ATP2C1: variants seen among roughly 807,000 people sequenced by gnomAD.
ATP2C1 encodes the protein ATPase secretory pathway Ca2+ transporting 1.
Under a neutral mutation model 120.5 loss-of-function variants are expected in ATP2C1, and 31 were observed. The ratio of observed to expected loss-of-function variants is 0.26; its 90% CI spans 0.19 to 0.35. The LOEUF is 0.35. Among genes scored for constraint, ATP2C1 ranks in the 10% least tolerant of loss-of-function variants. The pLI is 1.00. For missense variants in ATP2C1, 731 were observed against 1,107.5 expected (o/e 0.66, Z 4.83); for synonymous variants, 351 against 358.7 (o/e 0.98, Z 0.24).
intron 2 of ATP2C1, among the ~76,000 whole-genome samples, chr3:130,929,323 A>G (rs1314648279): frequency 1.3e-5 from 2 of 152,140 alleles, no homozygotes; most frequent in Non-Finnish European, 2.9e-5. Flanking sequence ...TTCCTCAGCA[A>G]TTTACTATTT....
At chr3:130,945,691 G>T (rs2060121485) in intron 8 of ATP2C1, among the ~76,000 whole-genome samples, 1 of 152,068 alleles carries the variant, frequency 6.6e-6, no homozygotes, top group Non-Finnish European at 1.5e-5. Context: ...CAAAGGACAA[G>T]AACTCATCCT....
At chr3:130,925,344 C>T (rs1020120643) in intron 2 of ATP2C1, among the ~76,000 whole-genome samples, 1 of 152,162 alleles carries the variant, frequency 6.6e-6, no homozygotes, top group East Asian at 1.9e-4. Context: ...TGTTTTTGCT[C>T]TTCTGGGTCT....
intron 8 of ATP2C1, among the ~76,000 whole-genome samples, chr3:130,942,857 T>C (rs2059981398): frequency 6.6e-6 from 1 of 152,216 alleles, no homozygotes; most frequent in African/African-American, 2.4e-5. Flanking sequence ...GATTAAGTAG[T>C]CTTGTCACTT....
exon 1 of ATP2C1, chr3:130,850,691 G>T: frequency 2.1e-6 from 1 of 474,864 alleles, no homozygotes; most frequent in Non-Finnish European, 3.7e-6. Context: ...GAGAACATTT[G>T]CTTTGTTTGT....
intron 1 of ATP2C1, among the ~76,000 whole-genome samples, chr3:130,882,078 C>CAGT (rs1315260726): frequency 6.6e-6 from 1 of 152,088 alleles, no homozygotes. Flanking sequence ...TTAGGACTTC[C>CAGT]AGTACTATGT....
chr3:130,860,665 GTC>G (rs1370773353), intron 1 of ATP2C1, among the ~76,000 whole-genome samples: 1 of 152,280 alleles, frequency 6.6e-6, no homozygotes, highest in East Asian at 1.9e-4. Flanking sequence ...CTCCAGGTTT[GTC>G]TGTTTGACCT....
At chr3:130,936,886 C>A (rs577085346) in intron 5 of ATP2C1, among the ~76,000 whole-genome samples, 1 of 151,472 alleles carries the variant, frequency 6.6e-6, no homozygotes. Context: ...CCTTTTCCAC[C>A]GTATCTGTAT....
chr3:130,930,621 A>G (rs1454610272), intron 3 of ATP2C1, 95 bp downstream of exon 3: 3 of 839,944 alleles, frequency 3.6e-6, no homozygotes, highest in Admixed American at 1.9e-5. Context: ...TTCTTCAGTG[A>G]TAGAAATATT....
intron 20 of ATP2C1, among the ~76,000 whole-genome samples, chr3:130,981,816 AAT>A (rs2061779298): frequency 6.6e-6 from 1 of 152,198 alleles, no homozygotes; most frequent in South Asian, 2.1e-4. Context: ...AGTGATGTTG[AAT>A]ATCTTTTCAT....
At chr3:130,962,100 C>G (rs773979908) in intron 12 of ATP2C1, among the ~76,000 whole-genome samples, 4 of 152,020 alleles carry the variant, frequency 2.6e-5, no homozygotes, top group Non-Finnish European at 4.4e-5. Context: ...GACCCTATTT[C>G]ATTCATCTTT....
intron 1 of ATP2C1, among the ~76,000 whole-genome samples, chr3:130,857,296 G>T (rs1227899525): frequency 6.6e-6 from 1 of 152,108 alleles, no homozygotes; most frequent in Non-Finnish European, 1.5e-5. Context: ...CTTTCTAGTT[G>T]TCAGCAACCA....
chr3:130,943,609 G>A (rs543613924), intron 8 of ATP2C1, among the ~76,000 whole-genome samples: 40 of 152,292 alleles, frequency 2.6e-4, no homozygotes, highest in Middle Eastern at 3.4e-3. Flanking sequence ...AACTTTGCAA[G>A]CACTTCATCA....
intron 2 of ATP2C1, among the ~76,000 whole-genome samples, chr3:130,925,586 A>G (rs1359460492): frequency 6.6e-6 from 1 of 152,188 alleles, no homozygotes; most frequent in Non-Finnish European, 1.5e-5. Context: ...TCAAGAGCAT[A>G]TCAGCTGTGG....
intron 2 of ATP2C1, among the ~76,000 whole-genome samples, chr3:130,909,214 T>A (rs2058277733): frequency 1.3e-5 from 2 of 152,156 alleles, no homozygotes; most frequent in South Asian, 4.1e-4. Context: ...GTGAGATCCC[T>A]CTGGATTTTG....
At position 131,016,304 on chromosome 3, in the gene ATP2C1, ACAT is replaced by A. The variant is rs541922387; in HGVS notation, c.*117_*119del. The A allele has an allele frequency of 1.0e-3, 1,634 of 1,614,156 alleles. 1 individual carries two copies. The highest frequency in any genetic ancestry group is 1.3e-3 in the Non-Finnish European group (1,551 of 1,180,016). On this transcript the variant is annotated 3_prime_UTR_variant, in exon 27 of 27. Transcript: ENST00000328560. ...TTCACTCTTTGGAACTCTGCATACA[ACAT>A]CTTAGCACCATCTTCCTGCAGCTCT...
intron 1 of ATP2C1, among the ~76,000 whole-genome samples, chr3:130,858,074 G>T (rs748625252): frequency 1.3e-5 from 2 of 152,088 alleles, no homozygotes; most frequent in East Asian, 3.9e-4. Context: ...GATGAAGGCC[G>T]GAAGACTCAG....
chr3:130,885,085 G>A (rs922901907), intron 1 of ATP2C1, among the ~76,000 whole-genome samples: 5 of 151,580 alleles, frequency 3.3e-5, no homozygotes, highest in Admixed American at 6.6e-5. Context: ...AGGCACCTGC[G>A]ACAACGCCCA....
chr3:130,989,083 T>G (rs904603860), intron 20 of ATP2C1, among the ~76,000 whole-genome samples: 1 of 151,812 alleles, frequency 6.6e-6, no homozygotes, highest in African/African-American at 2.4e-5. Flanking sequence ...AAACCCCGTC[T>G]CTACTAAAAA....
chr3:130,942,264 A>G (rs2108460902), intron 8 of ATP2C1, among the ~76,000 whole-genome samples: 1 of 152,320 alleles, frequency 6.6e-6, no homozygotes, highest in East Asian at 1.9e-4. Context: ...AAAACGTGTG[A>G]TGGAATCAGA....
Sources: gnomAD v4.1 joint callset for allele counts (sites outside exome capture counted in the v4.1 genomes callset) on GRCh38, gnomAD v4.1.1 for gene constraint, MANE v1.5 for transcripts, NCBI Gene and HGNC (gene_info 2026-07-23, HGNC 2026-07-21) for gene names.